Variants in THBS4 observed in about 807,000 individuals in gnomAD.
THBS4 encodes thrombospondin 4.
Under a neutral mutation model 115.7 loss-of-function variants are expected in THBS4, and 90 were observed. That is an observed-to-expected ratio of 0.78 (90% CI 0.66 to 0.93). The LOEUF (loss-of-function observed/expected upper bound fraction) is 0.93, where lower values mean the gene tolerates loss of function less well. THBS4 is among the 40% of genes least tolerant of loss of function. The pLI, the probability that THBS4 is intolerant of heterozygous loss-of-function variation, is 0.00. For missense variants in THBS4, 1,087 were observed against 1,232.7 expected (o/e 0.88, Z 1.77); for synonymous variants, 460 against 479.3 (o/e 0.96, Z 0.53).
At chr5:80,071,256 T>C (rs760680516) in intron 13 of THBS4, 76 bp downstream of exon 13, 58 of 1,508,988 alleles carry the variant, frequency 3.8e-5, no homozygotes, top group Middle Eastern at 1.8e-4. Context: ...AGAGTAGGAA[T>C]AGAATGACTG....
At chr5:80,072,496 G>A in intron 14 of THBS4, 100 bp downstream of exon 14, 3 of 1,073,676 alleles carry the variant, frequency 2.8e-6, no homozygotes, top group South Asian at 1.4e-5. Context: ...CCTCTTAGCT[G>A]TTGCCACTTA....
intron 2 of THBS4, among the ~76,000 whole-genome samples, chr5:80,041,417 A>G (rs1443734719): frequency 6.6e-6 from 1 of 152,158 alleles, no homozygotes; most frequent in Non-Finnish European, 1.5e-5. Flanking sequence ...ACAGATACAA[A>G]CATTCAGCCC....
intron 1 of THBS4, among the ~76,000 whole-genome samples, chr5:79,994,025 A>G (rs751446607): frequency 6.6e-6 from 1 of 152,224 alleles, no homozygotes; most frequent in African/African-American, 2.4e-5. Flanking sequence ...ATCATTTTAC[A>G]TTGATACCTC....
intron 2 of THBS4, among the ~76,000 whole-genome samples, chr5:80,017,774 T>C (rs964611558): frequency 3.3e-5 from 5 of 152,250 alleles, no homozygotes; most frequent in Admixed American, 6.5e-5. Context: ...AATTTTCTTT[T>C]GTGAGGATCT....
intron 2 of THBS4, among the ~76,000 whole-genome samples, chr5:80,040,847 C>T (rs1832876333): frequency 6.6e-6 from 1 of 152,154 alleles, no homozygotes; most frequent in Non-Finnish European, 1.5e-5. Context: ...TTTCTTGTGT[C>T]ACAACGTGGT....
At chr5:80,059,550 C>T in intron 6 of THBS4, 59 bp downstream of exon 6, 3 of 1,605,848 alleles carry the variant, frequency 1.9e-6, no homozygotes, top group Non-Finnish European at 1.7e-6. Flanking sequence ...TGATGAAGGG[C>T]TTGCGGTGAG....
upstream of THBS4, among the ~76,000 whole-genome samples, chr5:80,030,850 T>A (rs1832573342): frequency 6.6e-6 from 1 of 152,154 alleles, no homozygotes; most frequent in African/African-American, 2.4e-5. Flanking sequence ...CATTTCTGTT[T>A]CCTTCAAAAA....
At chr5:80,001,741 C>CG (rs1831902387) in intron 2 of THBS4, among the ~76,000 whole-genome samples, 1 of 152,012 alleles carries the variant, frequency 6.6e-6, no homozygotes, top group Non-Finnish European at 1.5e-5. Flanking sequence ...GTAAAGTGAG[C>CG]GGTAGATAAT....
intron 1 of THBS4, among the ~76,000 whole-genome samples, chr5:79,996,202 G>T (rs1323725390): frequency 6.6e-6 from 1 of 152,062 alleles, no homozygotes; most frequent in Non-Finnish European, 1.5e-5. Flanking sequence ...AAGTAAATGG[G>T]AGCATTGCTG....
Position 80,004,511 on chromosome 5 carries a change from G to T in THBS4, n.177+6084G>T, listed in dbSNP as rs180975643. Among the ~76,000 whole-genome samples, 9 of 152,268 alleles carry T rather than the reference G, an allele frequency of 5.9e-5. No homozygotes were observed. In the East Asian group the frequency reaches 1.7e-3, roughly 29 times the overall value. On this transcript the variant is annotated intron_variant and non_coding_transcript_variant, in intron 2 of 3. Transcript: ENST00000510218. ...TCTGCTATAGTCTCCTGCCACTGTG[G>T]CCTACGGGTTTGATTTAGAAATTCA...
At chr5:79,996,030 A>G (rs998896844) in intron 1 of THBS4, among the ~76,000 whole-genome samples, 2 of 151,934 alleles carry the variant, frequency 1.3e-5, no homozygotes, top group African/African-American at 4.8e-5. Context: ...CCAGCTACTC[A>G]GGAGGCTGAG....
chr5:80,027,894 CAAAAAA>C (rs1159986888), intron 2 of THBS4, among the ~76,000 whole-genome samples: 38 of 47,714 alleles, frequency 8.0e-4, no homozygotes, highest in African/African-American at 2.2e-3. Flanking sequence ...ACCCTGTCTC[CAAAAAA>C]AAAAAAAAAA....
At chr5:80,040,716 A>C (rs570955660) in intron 2 of THBS4, among the ~76,000 whole-genome samples, 6 of 152,220 alleles carry the variant, frequency 3.9e-5, no homozygotes, top group Admixed American at 1.3e-4. Context: ...ATCTCAGTCC[A>C]TTTTGTGTTG....
chr5:80,079,368 A>T, intron 19 of THBS4, 110 bp downstream of exon 19: 2 of 1,201,700 alleles, frequency 1.7e-6, no homozygotes, highest in East Asian at 2.5e-5. Context: ...AAATTGATGC[A>T]TTTATGCTAA....
chr5:79,992,249 G>T lies in THBS4; in HGVS notation n.81+837G>T, dbSNP rs576069698. Among the ~76,000 whole-genome samples, 4 of 152,322 alleles carry T rather than the reference G, an allele frequency of 2.6e-5. No individual in the cohort carries two copies. The East Asian group carries it at 7.7e-4, about 29-fold the overall frequency. ...GATCCAAACATATGACTGGGTCTCA[G>T]AGTTAGAACTTGGGTGCTGGGTCTT... is the stretch of plus-strand genomic sequence containing the variant. On this transcript the variant is annotated intron_variant and non_coding_transcript_variant, in intron 1 of 3. Coordinates refer to the THBS4 transcript ENST00000510218.
At chr5:80,006,255 A>G (rs548123886) in intron 2 of THBS4, among the ~76,000 whole-genome samples, 46 of 152,016 alleles carry the variant, frequency 3.0e-4, no homozygotes, top group African/African-American at 1.1e-3. Flanking sequence ...TTTGAATTGT[A>G]CTCCCATAAT....
At chr5:80,070,462 T>C in intron 11 of THBS4, 52 bp downstream of exon 11, 2 of 1,527,974 alleles carry the variant, frequency 1.3e-6, no homozygotes, top group Non-Finnish European at 1.8e-6. Context: ...CTTTCCAAAG[T>C]CACATCTTCT....
intron 7 of THBS4, 69 bp downstream of exon 7, chr5:80,059,974 A>G: frequency 1.3e-6 from 2 of 1,493,182 alleles, no homozygotes; most frequent in Non-Finnish European, 1.8e-6. Flanking sequence ...TTGGAAAAAG[A>G]AGCCAAGCTG....
intron 10 of THBS4, chr5:80,068,853 A>C (rs12659471): frequency 0.026 from 4,041 of 152,850 alleles, 97 homozygotes; most frequent in East Asian, 0.11. Context: ...TATGTGAAGG[A>C]GAGGGCATGC....
Sources: allele counts gnomAD v4.1 joint callset (sites outside exome capture counted in the v4.1 genomes callset), GRCh38; gene constraint gnomAD v4.1.1; transcripts MANE v1.5; gene names NCBI Gene and HGNC (gene_info 2026-07-23, HGNC 2026-07-21).